The following ANKS1B variants were observed in gnomAD, a reference collection of about 807,000 sequenced individuals.
ANKS1B encodes ankyrin repeat and sterile alpha motif domain containing 1B, also known as ankyrin repeat and sterile alpha motif domain-containing protein 1B.
Under a neutral mutation model 148.3 loss-of-function variants are expected in ANKS1B, and 36 were observed. The ratio of observed to expected loss-of-function variants is 0.24; its 90% CI spans 0.19 to 0.32. The LOEUF (loss-of-function observed/expected upper bound fraction) is 0.32. Among genes scored for constraint, ANKS1B ranks in the 10% least tolerant of loss-of-function variants. The probability of loss-of-function intolerance (pLI) is 1.00; values close to 1 mark genes in which losing one functional copy is unlikely to be tolerated. For missense variants in ANKS1B, 1,157 were observed against 1,542.6 expected, an observed-to-expected ratio of 0.75 and a Z score of 4.19; for synonymous variants, 542 against 560.8, an observed-to-expected ratio of 0.97 and a Z score of 0.47.
At chr12:99,657,662 A>G (rs2098456433) in intron 8 of ANKS1B, among the ~76,000 whole-genome samples, 1 of 81,482 alleles carries the variant, frequency 1.2e-5, no homozygotes, top group East Asian at 4.7e-4. Flanking sequence ...TATATATATG[A>G]TAAAGTTGTT....
At chr12:99,138,752 A>G (rs1234943021) in intron 15 of ANKS1B, among the ~76,000 whole-genome samples, 2 of 152,012 alleles carry the variant, frequency 1.3e-5, no homozygotes, top group African/African-American at 4.8e-5. Context: ...ACATCTCACC[A>G]TCTTTGTTCA....
At chr12:99,438,689 C>T (rs916815985) in intron 11 of ANKS1B, among the ~76,000 whole-genome samples, 2 of 151,928 alleles carry the variant, frequency 1.3e-5, no homozygotes, top group Middle Eastern at 3.4e-3. Flanking sequence ...CTTATATTAG[C>T]ATCCAAAGTA....
chr12:99,735,165 G>A (rs745951796), intron 8 of ANKS1B, among the ~76,000 whole-genome samples: 3 of 152,086 alleles, frequency 2.0e-5, no homozygotes, highest in South Asian at 2.1e-4. Flanking sequence ...ATCAAGAAAC[G>A]TAGAAAGATT....
At chr12:99,038,069 C>T (rs190070152) in intron 17 of ANKS1B, among the ~76,000 whole-genome samples, 193 of 152,210 alleles carry the variant, frequency 1.3e-3, no homozygotes, top group African/African-American at 4.2e-3. Context: ...GGGTACAGAG[C>T]GCAGAAACGT....
chr12:99,372,431 T>A (rs1593319445), intron 12 of ANKS1B, among the ~76,000 whole-genome samples: 1 of 152,172 alleles, frequency 6.6e-6, no homozygotes, highest in East Asian at 1.9e-4. Flanking sequence ...ATGATTCGTT[T>A]GTAATTAGTC....
intron 17 of ANKS1B, among the ~76,000 whole-genome samples, chr12:99,020,654 C>T (rs1311444758): frequency 6.6e-6 from 1 of 152,002 alleles, no homozygotes; most frequent in African/African-American, 2.4e-5. Context: ...TTACTATTTT[C>T]CCATCTAAAG....
At chr12:99,365,541 G>C (rs1390639338) in intron 12 of ANKS1B, among the ~76,000 whole-genome samples, 1 of 152,156 alleles carries the variant, frequency 6.6e-6, no homozygotes, top group Non-Finnish European at 1.5e-5. Flanking sequence ...GAGAGTTGTA[G>C]AGTGCCTCAA....
At position 99,931,441 on chromosome 12, in the gene ANKS1B, C is replaced by T. The variant is rs11110136; in HGVS notation, c.134+52663G>A. 3.5e-3 allele frequency among the ~76,000 whole-genome samples: 539 copies of T among 152,184 alleles called. 5 individuals carry two copies. Among genetic ancestry groups the T allele is most frequent in the African/African-American group, 0.012 (493 of 41,522 alleles). On this transcript the variant is annotated intron_variant, in intron 1 of 26. Coordinates refer to ENST00000683438, the MANE Select transcript of ANKS1B (RefSeq NM_001352186.2). ...TATCCAATTCACAAATATTCCTCTACGCAGTTCTAACCCAGGAAATATGTC... is the reference window on the plus strand; with the variant it reads ...TATCCAATTCACAAATATTCCTCTATGCAGTTCTAACCCAGGAAATATGTC...
chr12:99,078,075 C>T (rs372200212), intron 16 of ANKS1B, among the ~76,000 whole-genome samples: 2 of 152,176 alleles, frequency 1.3e-5, no homozygotes, highest in East Asian at 3.8e-4. Context: ...GTTTCCACCA[C>T]TCCATATTGT....
chr12:99,857,811 T>C (rs937076643), intron 1 of ANKS1B, among the ~76,000 whole-genome samples: 1 of 152,094 alleles, frequency 6.6e-6, no homozygotes. Flanking sequence ...CAACAAATGG[T>C]GCCGGGATAA....
Position 98,973,834 on chromosome 12 carries a change from A to G in ANKS1B, c.2778+79323T>C, listed in dbSNP as rs142397016. Among the ~76,000 whole-genome samples the G allele has an allele frequency of 5.3e-3, 799 of 152,158 alleles. 7 individuals carry two copies. Among genetic ancestry groups the G allele is most frequent in the African/African-American group, 0.019 (770 of 41,464 alleles). On this transcript the variant is annotated intron_variant, in intron 17 of 26. Coordinates refer to ENST00000683438, the MANE Select transcript of ANKS1B (RefSeq NM_001352186.2). ...TTATTATAGATATCTATCTATATCTATCACAGATATATCTATAGATACGTA... is the reference window on the plus strand; with the variant it reads ...TTATTATAGATATCTATCTATATCTGTCACAGATATATCTATAGATACGTA...
intron 8 of ANKS1B, among the ~76,000 whole-genome samples, chr12:99,726,763 C>T (rs2058660276): frequency 6.6e-6 from 1 of 152,156 alleles, no homozygotes; most frequent in Admixed American, 6.6e-5. Context: ...AAACCGAATC[C>T]AGCAGCACAT....
At chr12:99,490,873 G>C (rs2096548094) in intron 10 of ANKS1B, among the ~76,000 whole-genome samples, 1 of 152,130 alleles carries the variant, frequency 6.6e-6, no homozygotes, top group Non-Finnish European at 1.5e-5. Context: ...AGAAAATGCA[G>C]GTAAGGTGAA....
chr12:99,149,890 G>A (rs945295488), intron 15 of ANKS1B, among the ~76,000 whole-genome samples: 7 of 152,148 alleles, frequency 4.6e-5, no homozygotes, highest in Non-Finnish European at 8.8e-5. Flanking sequence ...TGAAGAATGA[G>A]GGGCAAGATC....
chr12:99,134,753 A>G (rs1282461685), intron 15 of ANKS1B, among the ~76,000 whole-genome samples: 1 of 151,512 alleles, frequency 6.6e-6, no homozygotes, highest in Non-Finnish European at 1.5e-5. Context: ...CTAACTCTCT[A>G]AAGACATTTT....
chr12:99,772,190 ATGAG>A (rs2063257698), intron 8 of ANKS1B, among the ~76,000 whole-genome samples: 1 of 152,116 alleles, frequency 6.6e-6, no homozygotes, highest in Non-Finnish European at 1.5e-5. Flanking sequence ...AAAAATCCAA[ATGAG>A]TGAGAATCAC....
chr12:99,740,554 A>C (rs2060000617), intron 8 of ANKS1B, among the ~76,000 whole-genome samples: 1 of 152,166 alleles, frequency 6.6e-6, no homozygotes, highest in Admixed American at 6.5e-5. Flanking sequence ...GGGTAAGTTA[A>C]ATAGTATCCC....
At chr12:99,321,779 G>T (rs939539475) in intron 12 of ANKS1B, among the ~76,000 whole-genome samples, 2 of 152,220 alleles carry the variant, frequency 1.3e-5, no homozygotes, top group African/African-American at 4.8e-5. Flanking sequence ...CTCACACTGG[G>T]AGCTGTAGAC....
chr12:98,874,440 A>C (rs887358412), intron 17 of ANKS1B, among the ~76,000 whole-genome samples: 2 of 152,348 alleles, frequency 1.3e-5, no homozygotes, highest in Middle Eastern at 3.4e-3. Context: ...AATTTCCTTC[A>C]CAAAACTAAG....
Sources: allele counts gnomAD v4.1 joint callset (sites outside exome capture counted in the v4.1 genomes callset), GRCh38; gene constraint gnomAD v4.1.1; transcripts MANE v1.5; gene names NCBI Gene and HGNC (gene_info 2026-07-23, HGNC 2026-07-21).